The following MYO18B variants were observed in gnomAD, a reference collection of about 807,000 sequenced individuals.
The protein encoded by MYO18B is unconventional myosin-XVIIIb.
MYO18B carries 204 observed loss-of-function variants against 273.0 expected under a neutral mutation model. The ratio of observed to expected loss-of-function variants is 0.75; its 90% CI spans 0.67 to 0.84. The LOEUF is 0.84. MYO18B is among the 40% of genes least tolerant of loss of function. The pLI, the probability that MYO18B is intolerant of heterozygous loss-of-function variation, is 0.00. For missense variants in MYO18B, 3,212 were observed against 3,287.6 expected, an observed-to-expected ratio of 0.98 and a Z score of 0.56; for synonymous variants, 1,330 against 1,305.7, an observed-to-expected ratio of 1.02 and a Z score of -0.40.
intron 34 of MYO18B, among the ~76,000 whole-genome samples, chr22:25,933,411 G>C (rs1444856019): frequency 6.6e-6 from 1 of 152,184 alleles, no homozygotes; most frequent in African/African-American, 2.4e-5. Flanking sequence ...TTAGCAGAAA[G>C]GGTGATGAAC....
At chr22:25,878,120 C>A in intron 25 of MYO18B, 72 bp downstream of exon 25, 2 of 1,174,654 alleles carry the variant, frequency 1.7e-6, no homozygotes, top group South Asian at 2.8e-5. Flanking sequence ...ATGGGGAGAA[C>A]AATGATATGC....
intron 17 of MYO18B, 108 bp from the exon 18 acceptor site, chr22:25,843,627 G>A: frequency 1.7e-6 from 2 of 1,165,742 alleles, no homozygotes; most frequent in Non-Finnish European, 2.4e-6. Context: ...ATGAGCGTTA[G>A]CTATCTGGAA....
At position 25,780,215 on chromosome 22, in the gene MYO18B, G is replaced by T. The variant is rs780969376; in HGVS notation, c.2211+17G>T. On this transcript the variant is annotated intron_variant, in intron 9 of 43. Coordinates refer to ENST00000335473, the MANE Select transcript of MYO18B (RefSeq NM_032608.7). ...CAGCTCCAGGTGAGGCCTCTCGGGG[G>T]ATGTGCAAGGGGGCCCTTGGGGCTG... The T allele has an allele frequency of 6.3e-7, 1 of 1,594,916 alleles. No individual in the cohort carries two copies. Among genetic ancestry groups the T allele is most frequent in the Non-Finnish European group, 8.5e-7 (1 of 1,173,238 alleles).
chr22:25,834,331 G>A (rs1045607565), intron 16 of MYO18B, among the ~76,000 whole-genome samples: 2 of 151,920 alleles, frequency 1.3e-5, no homozygotes, highest in Non-Finnish European at 2.9e-5. Context: ...ATTTTCTGAG[G>A]ACCTTCTGAG....
chr22:25,878,175 T>A, intron 25 of MYO18B, 127 bp downstream of exon 25: 1 of 692,670 alleles, frequency 1.4e-6, no homozygotes. Flanking sequence ...GAATTACCTG[T>A]GAGGCACATG....
chr22:25,766,932 A>T (rs529367454), intron 3 of MYO18B, among the ~76,000 whole-genome samples: 1 of 152,208 alleles, frequency 6.6e-6, no homozygotes. Flanking sequence ...GATAGCGGAC[A>T]TGAGTTTGGA....
At chr22:25,960,365 G>T (rs1031342837) in intron 39 of MYO18B, among the ~76,000 whole-genome samples, 2 of 152,168 alleles carry the variant, frequency 1.3e-5, no homozygotes, top group African/African-American at 4.8e-5. Context: ...ATCAAGGGGT[G>T]CCTGAGGAAG....
chr22:26,024,828 C>T (rs1043077520), intron 42 of MYO18B, among the ~76,000 whole-genome samples: 10 of 152,174 alleles, frequency 6.6e-5, no homozygotes, highest in African/African-American at 2.4e-4. Context: ...TCTCTTCTGG[C>T]TGCTATAACA....
At chr22:25,776,445 A>G (rs896170175) in intron 7 of MYO18B, among the ~76,000 whole-genome samples, 2 of 152,192 alleles carry the variant, frequency 1.3e-5, no homozygotes, top group Non-Finnish European at 2.9e-5. Flanking sequence ...TAAAAATACA[A>G]AAATTAGCCA....
intron 11 of MYO18B, among the ~76,000 whole-genome samples, chr22:25,795,289 G>A (rs537299058): frequency 2.6e-5 from 4 of 152,234 alleles, no homozygotes; most frequent in Admixed American, 1.3e-4. Flanking sequence ...AAGAACAATT[G>A]GCTCTCTGGA....
At position 25,832,985 on chromosome 22, in the gene MYO18B, A is replaced by G. The variant is rs765706594; in HGVS notation, c.3048A>G (p.Gln1016=). The G allele has an allele frequency of 9.9e-6, 16 of 1,613,752 alleles. No individual in the cohort carries two copies. The highest frequency in any genetic ancestry group is 1.3e-5 in the Non-Finnish European group (15 of 1,179,850). ...SPGTTVAVVD[Q]NPSQVRLPAG... ...GGACCACCGTGGCTGTTGTGGATCA[A>G]AATCCCTCTCAGGTAACACAGGGCC... Residue 1016 remains glutamine, a synonymous_variant, in exon 16 of 44, where the codon CAA becomes CAG. Transcript: ENST00000335473.
chr22:25,978,608 G>GATCC lies in MYO18B; in HGVS notation c.6157-13754_6157-13753insTCCA, dbSNP rs1286452205. 2.0e-5 allele frequency among the ~76,000 whole-genome samples: 3 copies of GATCC among 152,298 alleles called. No individual in the cohort carries two copies. In the East Asian group the frequency reaches 5.8e-4, roughly 29 times the overall value. The stretch of plus-strand genomic sequence containing the variant: ...GAGATTCCTCCTTGGAGGCTTTGTG[G>GATCC]AATACAGTTGGAGAGTGGTGTAGAT... On this transcript the variant is annotated intron_variant, in intron 39 of 43. Transcript: ENST00000335473.
At position 25,769,405 on chromosome 22, in the gene MYO18B, G is replaced by A; in HGVS notation, c.1489G>A (p.Gly497Ser). ...GPAPQEEGKGGQSRDSDQAPE... is the reference protein window; with the variant it reads ...GPAPQEEGKGSQSRDSDQAPE... The stretch of plus-strand genomic sequence containing the variant: ...AGCCCCGCAGGAGGAGGGCAAAGGA[G>A]GCCAGAGCAGAGACTCAGACCAGGT... The change falls in exon 4 of 44, where the codon GGC (glycine) becomes AGC (serine). Residue 497 changes from glycine (G) to serine (S), a missense_variant. Gly to Ser is a moderately conservative substitution (Grantham distance 56). Transcript: ENST00000335473. 1.3e-6 allele frequency: 2 copies of A among 1,558,144 alleles called. No homozygotes were observed. Among genetic ancestry groups the A allele is most frequent in the Non-Finnish European group, 1.7e-6 (2 of 1,152,182 alleles).
intron 27 of MYO18B, among the ~76,000 whole-genome samples, chr22:25,893,797 A>G (rs1002955309): frequency 6.6e-6 from 1 of 151,454 alleles, no homozygotes; most frequent in Non-Finnish European, 1.5e-5. Context: ...CCACCCATCC[A>G]CCCATCCACC....
chr22:26,057,280 T>C, the MYO18B span, among the ~76,000 whole-genome samples: 5 of 152,154 alleles, frequency 3.3e-5, no homozygotes, highest in Non-Finnish European at 5.9e-5. Context: ...ACTCAGTTAA[T>C]ATGATGCCTC....
At chr22:25,913,501 C>T (rs1450864277) in intron 33 of MYO18B, among the ~76,000 whole-genome samples, 6 of 152,164 alleles carry the variant, frequency 3.9e-5, no homozygotes, top group Non-Finnish European at 8.8e-5. Context: ...GTAGCTGGGA[C>T]TACAGGCGCC....
At chr22:25,931,691 T>C (rs1165543811) in intron 34 of MYO18B, among the ~76,000 whole-genome samples, 2 of 145,910 alleles carry the variant, frequency 1.4e-5, no homozygotes, top group African/African-American at 5.2e-5. Context: ...CTTTTTTTTT[T>C]TTTTTTTTTG....
At chr22:26,055,020 G>A in the MYO18B span, among the ~76,000 whole-genome samples, 55 of 152,246 alleles carry the variant, frequency 3.6e-4, no homozygotes, top group East Asian at 9.3e-3. Flanking sequence ...TGTCTTCTTA[G>A]ACAGCACAGT....
chr22:25,803,001 G>A (rs5761213), intron 12 of MYO18B, among the ~76,000 whole-genome samples: 9,585 of 143,304 alleles, frequency 0.067, 552 homozygotes, highest in East Asian at 0.21. Context: ...TTGCTCTGTC[G>A]CCCAGGCTGG....
Sources: gnomAD v4.1 joint callset for allele counts (sites outside exome capture counted in the v4.1 genomes callset) on GRCh38, gnomAD v4.1.1 for gene constraint, MANE v1.5 for transcripts, NCBI Gene and HGNC (gene_info 2026-07-23, HGNC 2026-07-21) for gene names.